Variants in COMMD6 observed in about 807,000 individuals in gnomAD.
COMMD6 encodes COMM domain containing 6.
Under a neutral mutation model 13.4 loss-of-function variants are expected in COMMD6, and 11 were observed. The ratio of observed to expected loss-of-function variants is 0.82; its 90% CI spans 0.52 to 1.36. The LOEUF (loss-of-function observed/expected upper bound fraction) is 1.36, where lower values mean the gene tolerates loss of function less well. Among genes scored for constraint, COMMD6 ranks in the 40% most tolerant of loss-of-function variants. COMMD6 has a pLI of 0.00. For missense variants in COMMD6, 124 were observed against 102.4 expected (o/e 1.21, Z -0.91); for synonymous variants, 43 against 36.5 (o/e 1.18, Z -0.64).
At position 75,537,752 on chromosome 13, in the gene COMMD6, G is replaced by C. The variant is rs762049323; in HGVS notation, c.42+12C>G. ...GCCTCGCTGCCCACTCTCCTTCCAG[G>C]TTGGAACTCACATCGGACTTAGCAT... is the stretch of plus-strand genomic sequence containing the variant. On this transcript the variant is annotated intron_variant, in intron 1 of 3. Transcript: ENST00000682242. 1.2e-6 allele frequency: 2 copies of C among 1,613,696 alleles called. No homozygotes were observed. Among genetic ancestry groups the C allele is most frequent in the Non-Finnish European group, 8.5e-7 (1 of 1,179,872 alleles).
At position 75,537,756 on chromosome 13, in the gene COMMD6, G is replaced by T; in HGVS notation, c.42+8C>A. The T allele has an allele frequency of 6.2e-7, 1 of 1,613,768 alleles. No individual in the cohort carries two copies. ...CGCTGCCCACTCTCCTTCCAGGTTG[G>T]AACTCACATCGGACTTAGCATCCAG... On this transcript the variant is annotated splice_region_variant and intron_variant, in intron 1 of 3. Coordinates refer to ENST00000682242, the MANE Select transcript of COMMD6 (RefSeq NM_203495.4).
chr13:75,541,129 G>A (rs1199249389), upstream of COMMD6, among the ~76,000 whole-genome samples: 1 of 152,036 alleles, frequency 6.6e-6, no homozygotes, highest in African/African-American at 2.4e-5. Context: ...TAGCATCCTG[G>A]GAGTATAGCA....
intron 2 of COMMD6, among the ~76,000 whole-genome samples, chr13:75,532,216 A>T (rs2030504967): frequency 6.6e-6 from 1 of 152,168 alleles, no homozygotes. Context: ...TTGTGGTTAC[A>T]CGAGTGTTCG....
upstream of COMMD6, among the ~76,000 whole-genome samples, chr13:75,538,487 T>C (rs1366146863): frequency 1.3e-5 from 2 of 152,224 alleles, no homozygotes; most frequent in Non-Finnish European, 2.9e-5. Flanking sequence ...AATAATTCAA[T>C]GAACACCTGT....
chr13:75,533,562 C>A (rs1378966388), intron 2 of COMMD6, among the ~76,000 whole-genome samples: 5 of 99,010 alleles, frequency 5.0e-5, no homozygotes, highest in Non-Finnish European at 9.1e-5. Context: ...GAGCGAGACC[C>A]CAAATCTGAA....
chr13:75,535,232 C>G (rs2030623366), intron 2 of COMMD6, among the ~76,000 whole-genome samples: 1 of 152,146 alleles, frequency 6.6e-6, no homozygotes, highest in African/African-American at 2.4e-5. Context: ...GCTGGAGGGG[C>G]ATGAGCTAGG....
chr13:75,526,238 T>C lies in COMMD6; in HGVS notation c.*351A>G, dbSNP rs1231995503. ...ATACATGACTCCAAATAAGACTGTT[T>C]ATAAAATGGGTTCCATCCAGTACAA... On this transcript the variant is annotated 3_prime_UTR_variant, in exon 4 of 4. Coordinates refer to ENST00000682242, the MANE Select transcript of COMMD6 (RefSeq NM_203495.4). 1 of 173,608 alleles carries C rather than the reference T, an allele frequency of 5.8e-6. No homozygotes were observed. The highest frequency in any genetic ancestry group is 1.2e-5 in the Non-Finnish European group (1 of 82,722). 10.8% of individuals were successfully genotyped at this position (173,608 alleles called of 1,614,324 possible).
chr13:75,535,360 C>G (rs2030629179), intron 2 of COMMD6, among the ~76,000 whole-genome samples: 1 of 152,168 alleles, frequency 6.6e-6, no homozygotes, highest in Non-Finnish European at 1.5e-5. Flanking sequence ...AGCGGAGATA[C>G]CTGGTCTAAC....
Position 75,526,645 on chromosome 13 carries a change from G to C in COMMD6, c.208-6C>G. 1 of 1,589,126 alleles carries C rather than the reference G, an allele frequency of 6.3e-7. No individual in the cohort carries two copies. Among genetic ancestry groups the C allele is most frequent in the Non-Finnish European group, 8.6e-7 (1 of 1,161,672 alleles). The stretch of plus-strand genomic sequence containing the variant: ...TTGAACTGTCTGTAGAAATTCTGGA[G>C]AGAAAGGGGGAAAATAATATTAATT... On this transcript the variant is annotated splice_polypyrimidine_tract_variant and splice_region_variant and intron_variant, in intron 3 of 3. Coordinates refer to ENST00000682242, the MANE Select transcript of COMMD6 (RefSeq NM_203495.4).
intron 3 of COMMD6, chr13:75,529,888 G>A (rs927056287): frequency 1.4e-5 from 6 of 433,576 alleles, no homozygotes; most frequent in East Asian, 1.1e-4. Context: ...CTGTTCAAGC[G>A]ATCAAATGGC....
At chr13:75,540,163 G>T (rs1028962497), upstream of COMMD6, among the ~76,000 whole-genome samples, 13 of 151,912 alleles carry the variant, frequency 8.6e-5, no homozygotes, top group Admixed American at 8.5e-4. Flanking sequence ...TAGAGATGGG[G>T]TTTCAACGTG....
chr13:75,544,847 A>C (rs948051453), intron 1 of COMMD6, among the ~76,000 whole-genome samples: 2 of 148,302 alleles, frequency 1.3e-5, no homozygotes, highest in African/African-American at 4.9e-5. Context: ...AATTGCTTGA[A>C]CCTGGGAGGC....
chr13:75,542,713 T>A (rs2030845708), upstream of COMMD6, among the ~76,000 whole-genome samples: 1 of 152,234 alleles, frequency 6.6e-6, no homozygotes, highest in South Asian at 2.1e-4. Context: ...CTTGGATTCC[T>A]CAGATGAGTC....
upstream of COMMD6, among the ~76,000 whole-genome samples, chr13:75,538,362 C>T (rs2030756431): frequency 6.6e-6 from 1 of 152,254 alleles, no homozygotes; most frequent in Non-Finnish European, 1.5e-5. Flanking sequence ...ATCTTGTCTT[C>T]CCACCTCTTT....
chr13:75,533,382 C>T (rs527968971), intron 2 of COMMD6, among the ~76,000 whole-genome samples: 11 of 152,110 alleles, frequency 7.2e-5, no homozygotes, highest in African/African-American at 2.2e-4. Context: ...GCCTGGGCAA[C>T]AGCCCTGTCT....
At position 75,537,769 on chromosome 13, in the gene COMMD6, A is replaced by G; in HGVS notation, c.37T>C (p.Ser13Pro). The change falls in exon 1 of 4, where the codon TCC becomes CCC. Residue 13 changes from serine (S) to proline (P), a missense_variant. By Grantham distance (74) the Ser-to-Pro change is moderately conservative (BLOSUM62 -1). Transcript: ENST00000682242. The stretch of plus-strand genomic sequence containing the variant: ...CCTTCCAGGTTGGAACTCACATCGG[A>G]CTTAGCATCCAGCGGCGGCTCGCTG... ...ASSEPPLDAK[S>P]DVTNQLVDFQ... 6.2e-7 allele frequency: 1 copy of G among 1,612,574 alleles called. No individual in the cohort carries two copies. Among genetic ancestry groups the G allele is most frequent in the Non-Finnish European group, 8.5e-7 (1 of 1,178,878 alleles).
intron 3 of COMMD6, among the ~76,000 whole-genome samples, chr13:75,529,178 T>C (rs909150595): frequency 1.3e-5 from 2 of 152,102 alleles, no homozygotes; most frequent in Non-Finnish European, 2.9e-5. Flanking sequence ...AAAACAAAAC[T>C]GTACAGGACA....
At chr13:75,537,982 C>T (rs1593960497), upstream of COMMD6, 8 of 513,174 alleles carry the variant, frequency 1.6e-5, no homozygotes, top group South Asian at 1.5e-4. Flanking sequence ...TCTTAGGAGA[C>T]ATTGAGCTAA....
intron 1 of COMMD6, among the ~76,000 whole-genome samples, chr13:75,548,591 C>A (rs1305017642): frequency 1.3e-5 from 2 of 152,146 alleles, no homozygotes; most frequent in African/African-American, 4.8e-5. Context: ...TGCCTTTCTC[C>A]GTGGCTACTG....
Sources: gnomAD v4.1 joint callset for allele counts (sites outside exome capture counted in the v4.1 genomes callset) on GRCh38, gnomAD v4.1.1 for gene constraint, MANE v1.5 for transcripts, NCBI Gene and HGNC (gene_info 2026-07-23, HGNC 2026-07-21) for gene names.